DCC: variants seen among roughly 807,000 people sequenced by gnomAD.
DCC encodes netrin receptor DCC.
A neutral mutation model predicts 172.5 loss-of-function variants in DCC; 58 were observed. The observed-to-expected ratio is 0.34, with a 90% confidence interval of 0.27 to 0.42. DCC has a LOEUF of 0.42. Among genes scored for constraint, DCC ranks in the 10% least tolerant of loss-of-function variants. DCC has a pLI of 1.00. For synonymous variants in DCC, 709 were observed against 644.5 expected, an observed-to-expected ratio of 1.10 and a Z score of -1.52; for missense variants, 1,740 against 1,791.0, an observed-to-expected ratio of 0.97 and a Z score of 0.51.
At chr18:52,813,348 TAAAG>T (rs1431298715) in intron 2 of DCC, among the ~76,000 whole-genome samples, 4 of 148,524 alleles carry the variant, frequency 2.7e-5, no homozygotes, top group Non-Finnish European at 4.5e-5. Flanking sequence ...TTAGGGTAAA[TAAAG>T]GGCAAAAAGA....
At chr18:53,133,462 C>T (rs1229416253) in intron 7 of DCC, among the ~76,000 whole-genome samples, 1 of 152,142 alleles carries the variant, frequency 6.6e-6, no homozygotes, top group Admixed American at 6.5e-5. Flanking sequence ...AGTGGTAACA[C>T]ATTCTCTACC....
At chr18:52,598,239 A>G (rs538578787) in intron 1 of DCC, among the ~76,000 whole-genome samples, 1 of 152,352 alleles carries the variant, frequency 6.6e-6, no homozygotes, top group Admixed American at 6.5e-5. Flanking sequence ...AAAGCATTAT[A>G]CTAAATACCG....
chr18:53,478,484 G>A (rs947867437), intron 25 of DCC, among the ~76,000 whole-genome samples: 4 of 152,176 alleles, frequency 2.6e-5, no homozygotes, highest in Admixed American at 2.0e-4. Flanking sequence ...ATCATTTAAA[G>A]TATGAGAGGT....
At chr18:52,414,478 G>T (rs1226892272) in intron 1 of DCC, among the ~76,000 whole-genome samples, 7 of 152,130 alleles carry the variant, frequency 4.6e-5, no homozygotes, top group African/African-American at 1.7e-4. Context: ...ACATAGAACT[G>T]TCTCTGCATT....
intron 2 of DCC, among the ~76,000 whole-genome samples, chr18:52,796,421 T>G (rs1568109741): frequency 6.6e-6 from 1 of 152,142 alleles, no homozygotes; most frequent in African/African-American, 2.4e-5. Flanking sequence ...GTTTTATACT[T>G]TCATGTATTT....
Position 52,373,803 on chromosome 18 carries a change from T to C in DCC, c.91+32925T>C, listed in dbSNP as rs574009794. ...CTTAGTCATTGTTTAGCTTAAACCT[T>C]ATCCTCTCTCTCCCTGGATAGATCA... On this transcript the variant is annotated intron_variant, in intron 1 of 28. Coordinates refer to ENST00000442544, the MANE Select transcript of DCC (RefSeq NM_005215.4). Among the ~76,000 whole-genome samples the C allele has an allele frequency of 9.9e-5, 15 of 152,248 alleles. No homozygotes were observed. The South Asian group carries it at 3.1e-3, about 32-fold the overall frequency.
At chr18:52,401,973 A>G (rs1016079660) in intron 1 of DCC, among the ~76,000 whole-genome samples, 16 of 152,106 alleles carry the variant, frequency 1.1e-4, no homozygotes, top group African/African-American at 3.9e-4. Flanking sequence ...ATTTCAATTT[A>G]TAACGATATT....
chr18:52,475,579 C>T (rs932768724), intron 1 of DCC, among the ~76,000 whole-genome samples: 1 of 152,040 alleles, frequency 6.6e-6, no homozygotes, highest in Admixed American at 6.6e-5. Flanking sequence ...GCGAGTTCTT[C>T]TCATCAGCAT....
At chr18:53,312,539 A>G (rs1394706223) in intron 13 of DCC, among the ~76,000 whole-genome samples, 1 of 141,210 alleles carries the variant, frequency 7.1e-6, no homozygotes, top group East Asian at 2.1e-4. Flanking sequence ...CAAAAAAAAA[A>G]GCTTTTAATT....
intron 5 of DCC, among the ~76,000 whole-genome samples, chr18:52,990,537 TCC>T (rs1491233929): frequency 0.14 from 2,786 of 20,150 alleles, 547 homozygotes; most frequent in East Asian, 0.24. Flanking sequence ...CAAAACTCCA[TCC>T]CAAAAAAAAA....
At position 52,449,343 on chromosome 18, in the gene DCC, CG is replaced by C. The variant is rs554996946; in HGVS notation, c.91+108470del. Among the ~76,000 whole-genome samples, 286 of 152,186 alleles carry C rather than the reference CG, an allele frequency of 1.9e-3. 17 individuals are homozygous for C. The South Asian group carries it at 0.058, about 31-fold the overall frequency. On this transcript the variant is annotated intron_variant, in intron 1 of 28. Coordinates refer to ENST00000442544, the MANE Select transcript of DCC (RefSeq NM_005215.4). ...AGACAAAAGTATGGAATCTCCCTTG[CG>C]GGGGAAAAATACACTTATAGACAAG...
At chr18:53,118,159 A>G (rs2043433658) in intron 7 of DCC, among the ~76,000 whole-genome samples, 1 of 151,862 alleles carries the variant, frequency 6.6e-6, no homozygotes, top group East Asian at 1.9e-4. Flanking sequence ...TTTTTTATCA[A>G]ACAAAAGACA....
intron 13 of DCC, among the ~76,000 whole-genome samples, chr18:53,312,262 A>G (rs1209640016): frequency 1.4e-5 from 2 of 147,698 alleles, no homozygotes; most frequent in Non-Finnish European, 3.0e-5. Flanking sequence ...AATGGCATGA[A>G]TCCGGGAGGT....
At chr18:52,651,846 G>C (rs1182883009) in intron 1 of DCC, among the ~76,000 whole-genome samples, 1 of 152,038 alleles carries the variant, frequency 6.6e-6, no homozygotes, top group South Asian at 2.1e-4. Flanking sequence ...TGTTACACAG[G>C]GCAGAAGGAC....
chr18:52,554,329 T>C (rs965438012), intron 1 of DCC, among the ~76,000 whole-genome samples: 1 of 152,110 alleles, frequency 6.6e-6, no homozygotes, highest in African/African-American at 2.4e-5. Flanking sequence ...TCCATCAACC[T>C]GGATGAATGC....
intron 1 of DCC, among the ~76,000 whole-genome samples, chr18:52,452,558 A>G (rs964407671): frequency 1.3e-5 from 2 of 152,182 alleles, no homozygotes; most frequent in African/African-American, 4.8e-5. Context: ...ATGCTTTTAC[A>G]TCTGGAGCAG....
chr18:53,170,037 G>A lies in DCC; in HGVS notation c.1419-8925G>A, dbSNP rs1598870617. Among the ~76,000 whole-genome samples the A allele has an allele frequency of 3.3e-5, 5 of 151,856 alleles. No homozygotes were observed. In the South Asian group the frequency reaches 8.3e-4, roughly 25 times the overall value. On this transcript the variant is annotated intron_variant, in intron 8 of 28. Transcript: ENST00000442544. ...TTACAGCTATTAAAGCCTGGAAAGG[G>A]TGATTAAAAACTCGTGGGAATCCTT...
At chr18:53,527,962 A>G (rs957210563) in intron 28 of DCC, among the ~76,000 whole-genome samples, 1 of 152,262 alleles carries the variant, frequency 6.6e-6, no homozygotes, top group African/African-American at 2.4e-5. Flanking sequence ...AATGAAAATA[A>G]TCTGCCACCC....
At chr18:53,234,704 C>T (rs193116659) in intron 12 of DCC, among the ~76,000 whole-genome samples, 1 of 152,262 alleles carries the variant, frequency 6.6e-6, no homozygotes, top group East Asian at 1.9e-4. Flanking sequence ...TGAAATCTGA[C>T]TCCAGTTTTT....
Sources: allele counts gnomAD v4.1 joint callset (sites outside exome capture counted in the v4.1 genomes callset), GRCh38; gene constraint gnomAD v4.1.1; transcripts MANE v1.5; gene names NCBI Gene and HGNC (gene_info 2026-07-23, HGNC 2026-07-21).